Variants in VOPP1 observed in about 807,000 individuals in gnomAD.
The protein encoded by VOPP1 is WW domain binding protein VOPP1.
VOPP1 carries 8 observed loss-of-function variants against 23.5 expected under a neutral mutation model. The ratio of observed to expected loss-of-function variants is 0.34; its 90% confidence interval spans 0.20 to 0.61. VOPP1 has a LOEUF of 0.61. Ranked by LOEUF, VOPP1 falls within the 20% of genes least tolerant of loss-of-function variation. VOPP1 has a pLI of 0.78. For missense variants in VOPP1, 174 were observed against 238.1 expected, an observed-to-expected ratio of 0.73 and a Z score of 1.77; for synonymous variants, 83 against 97.3, an observed-to-expected ratio of 0.85 and a Z score of 0.86.
chr7:55,502,808 G>A (rs922711659), intron 2 of VOPP1, among the ~76,000 whole-genome samples: 1 of 152,132 alleles, frequency 6.6e-6, no homozygotes, highest in Non-Finnish European at 1.5e-5. Flanking sequence ...CAAGGACGTC[G>A]CAAGACTACA....
intron 4 of VOPP1, among the ~76,000 whole-genome samples, chr7:55,477,924 C>A (rs928178047): frequency 6.6e-6 from 1 of 152,182 alleles, no homozygotes; most frequent in African/African-American, 2.4e-5. Context: ...GTGGAGGCAG[C>A]GCGGCCGCGG....
intron 4 of VOPP1, among the ~76,000 whole-genome samples, chr7:55,480,293 T>C (rs1792607032): frequency 6.6e-6 from 1 of 152,246 alleles, no homozygotes; most frequent in Non-Finnish European, 1.5e-5. Flanking sequence ...GTTATTGAAA[T>C]TTTCAATGTC....
At chr7:55,558,468 ATG>A (rs1175329117) in intron 1 of VOPP1, among the ~76,000 whole-genome samples, 1 of 152,158 alleles carries the variant, frequency 6.6e-6, no homozygotes, top group Non-Finnish European at 1.5e-5. Context: ...CATACAAATA[ATG>A]TGTTTCTCAC....
intron 4 of VOPP1, among the ~76,000 whole-genome samples, chr7:55,477,349 T>G (rs1378259111): frequency 1.3e-5 from 2 of 151,552 alleles, no homozygotes; most frequent in East Asian, 3.9e-4. Context: ...ACGGGAGGAG[T>G]GACTGAAGGG....
intron 1 of VOPP1, among the ~76,000 whole-genome samples, chr7:55,532,687 AG>A (rs1796565367): frequency 6.6e-6 from 1 of 152,068 alleles, no homozygotes; most frequent in Non-Finnish European, 1.5e-5. Flanking sequence ...AAGCAATCTG[AG>A]GGAGGCTCCT....
intron 1 of VOPP1, among the ~76,000 whole-genome samples, chr7:55,543,483 GAA>G (rs1797229338): frequency 6.6e-6 from 1 of 152,148 alleles, no homozygotes; most frequent in Non-Finnish European, 1.5e-5. Context: ...TTAGTTTTCT[GAA>G]GAGCCTCCAT....
At chr7:55,509,281 T>C (rs928559100) in intron 2 of VOPP1, among the ~76,000 whole-genome samples, 1 of 152,108 alleles carries the variant, frequency 6.6e-6, no homozygotes, top group African/African-American at 2.4e-5. Flanking sequence ...ATACCACAGC[T>C]TGGGTAATTT....
chr7:55,457,036 G>A (rs377658428), intron 4 of VOPP1, among the ~76,000 whole-genome samples: 6 of 151,734 alleles, frequency 4.0e-5, no homozygotes, highest in Admixed American at 1.3e-4. Context: ...TCCTTCTTTC[G>A]AGCTGTAACT....
chr7:55,453,225 G>A (rs545343505), intron 4 of VOPP1, among the ~76,000 whole-genome samples: 19 of 152,070 alleles, frequency 1.2e-4, no homozygotes, highest in Non-Finnish European at 2.8e-4. Flanking sequence ...CTTTTTTTCT[G>A]CAGTTTCCTC....
At chr7:55,465,609 T>TGA (rs1372962174) in intron 4 of VOPP1, among the ~76,000 whole-genome samples, 1 of 152,228 alleles carries the variant, frequency 6.6e-6, no homozygotes, top group Non-Finnish European at 1.5e-5. Context: ...AATTGTAGAA[T>TGA]GAGAGAGAGC....
At chr7:55,534,829 C>T (rs1796689624) in intron 1 of VOPP1, among the ~76,000 whole-genome samples, 1 of 152,230 alleles carries the variant, frequency 6.6e-6, no homozygotes, top group Admixed American at 6.5e-5. Flanking sequence ...AGTACCACCG[C>T]CCACTAGCTC....
At chr7:55,467,388 T>C (rs1199885941), downstream of VOPP1, among the ~76,000 whole-genome samples, 2 of 152,132 alleles carry the variant, frequency 1.3e-5, no homozygotes, top group Non-Finnish European at 2.9e-5. Context: ...TTGGTCAATC[T>C]CCCCGGTCCC....
chr7:55,492,461 G>T, intron 3 of VOPP1, 43 bp from the exon 4 acceptor site: 1 of 1,566,600 alleles, frequency 6.4e-7, no homozygotes, highest in South Asian at 1.2e-5. Flanking sequence ...CCAGGTGGGG[G>T]CCCTGAGGGC....
chr7:55,486,339 T>C (rs1793139929), intron 4 of VOPP1, among the ~76,000 whole-genome samples: 1 of 152,170 alleles, frequency 6.6e-6, no homozygotes, highest in Non-Finnish European at 1.5e-5. Flanking sequence ...TGCTTTCACA[T>C]GGATAAAAAA....
chr7:55,548,261 AC>A (rs1350068918), intron 1 of VOPP1, among the ~76,000 whole-genome samples: 1 of 152,148 alleles, frequency 6.6e-6, no homozygotes, highest in African/African-American at 2.4e-5. Flanking sequence ...TTAACCCCCA[AC>A]CCCTAAACAT....
chr7:55,572,084 G>A (rs1348503891), intron 1 of VOPP1, among the ~76,000 whole-genome samples, 187 bp downstream of exon 1: 2 of 152,076 alleles, frequency 1.3e-5, no homozygotes, highest in Non-Finnish European at 1.5e-5. Context: ...GGACCGGGGC[G>A]GGAGCCTCCC....
intron 4 of VOPP1, among the ~76,000 whole-genome samples, chr7:55,483,591 T>C (rs1792904855): frequency 6.6e-6 from 1 of 151,970 alleles, no homozygotes; most frequent in African/African-American, 2.4e-5. Flanking sequence ...AGGTTTATGA[T>C]TCTCTCCAAA....
intron 1 of VOPP1, among the ~76,000 whole-genome samples, chr7:55,537,319 G>T (rs1403562808): frequency 6.6e-6 from 1 of 152,200 alleles, no homozygotes; most frequent in African/African-American, 2.4e-5. Context: ...CACCTCAGCT[G>T]GCACTCTGCC....
intron 4 of VOPP1, among the ~76,000 whole-genome samples, chr7:55,476,367 C>G (rs1318822310): frequency 6.8e-6 from 1 of 147,396 alleles, no homozygotes; most frequent in African/African-American, 2.5e-5. Context: ...GATGGCCAGG[C>G]AGCCTGTATT....
Sources: gnomAD v4.1 joint callset for allele counts (sites outside exome capture counted in the v4.1 genomes callset) on GRCh38, gnomAD v4.1.1 for gene constraint, MANE v1.5 for transcripts, NCBI Gene and HGNC (gene_info 2026-07-23, HGNC 2026-07-21) for gene names.